Variants in HS6ST3 observed in about 807,000 individuals in gnomAD.
The protein encoded by HS6ST3 is heparan sulfate 6-O-sulfotransferase 3.
In HS6ST3, 12 loss-of-function variants were observed where a neutral mutation model predicts 36.7. The observed-to-expected ratio is 0.33, with a 90% confidence interval of 0.21 to 0.53. The LOEUF (loss-of-function observed/expected upper bound fraction) is 0.53. Ranked by LOEUF, HS6ST3 falls within the 20% of genes least tolerant of loss-of-function variation. The pLI is 0.95. For synonymous variants in HS6ST3, 240 were observed against 257.5 expected, an observed-to-expected ratio of 0.93 and a Z score of 0.65; for missense variants, 584 against 640.9, an observed-to-expected ratio of 0.91 and a Z score of 0.96.
At chr13:96,386,979 AGTGCGGTGGCATGAC>A (rs2055371679) in intron 1 of HS6ST3, among the ~76,000 whole-genome samples, 8 of 151,970 alleles carry the variant, frequency 5.3e-5, no homozygotes, top group African/African-American at 1.9e-4. Flanking sequence ...TCCAGGCTGG[AGTGCGGTGGCATGAC>A]CATGGCTCAC....
chr13:96,596,690 T>C (rs1253679037), intron 1 of HS6ST3, among the ~76,000 whole-genome samples: 2 of 152,150 alleles, frequency 1.3e-5, no homozygotes, highest in Admixed American at 6.5e-5. Flanking sequence ...GAACAGATGA[T>C]GGCAAGGTTG....
chr13:96,730,749 G>A (rs919316269), intron 1 of HS6ST3, among the ~76,000 whole-genome samples: 2 of 151,588 alleles, frequency 1.3e-5, no homozygotes, highest in Non-Finnish European at 2.9e-5. Flanking sequence ...TTAAATTTTT[G>A]TAGAGATGCG....
At chr13:96,468,675 A>C (rs950033673) in intron 1 of HS6ST3, among the ~76,000 whole-genome samples, 2 of 152,206 alleles carry the variant, frequency 1.3e-5, no homozygotes, top group African/African-American at 4.8e-5. Flanking sequence ...TTATCATCAT[A>C]AACAACAAGA....
intron 1 of HS6ST3, among the ~76,000 whole-genome samples, chr13:96,330,344 C>T (rs9516665): frequency 0.38 from 57,415 of 149,492 alleles, 11,047 homozygotes; most frequent in Non-Finnish European, 0.42. Flanking sequence ...CCATGTTTAG[C>T]GCTTCCTTCA....
intron 1 of HS6ST3, among the ~76,000 whole-genome samples, chr13:96,825,252 C>T (rs1878624423): frequency 6.6e-6 from 1 of 152,148 alleles, no homozygotes; most frequent in African/African-American, 2.4e-5. Flanking sequence ...ATAGGCAAGT[C>T]ATAGCCTCAT....
At position 96,631,811 on chromosome 13, in the gene HS6ST3, G is replaced by A. The variant is rs1008087060; in HGVS notation, c.708-200679G>A. On this transcript the variant is annotated intron_variant, in intron 1 of 1. Coordinates refer to ENST00000376705, the MANE Select transcript of HS6ST3 (RefSeq NM_153456.4). ...ATTCCTTAAACATTTTCAGTAACGAGAGGTCATCAGAATCAGTATTGTGAG... is the reference window on the plus strand; with the variant it reads ...ATTCCTTAAACATTTTCAGTAACGAAAGGTCATCAGAATCAGTATTGTGAG... Among the ~76,000 whole-genome samples, 3 of 152,178 alleles carry A rather than the reference G, an allele frequency of 2.0e-5. No individual in the cohort carries two copies. In the South Asian group the frequency reaches 6.2e-4, roughly 31 times the overall value.
At chr13:96,511,746 T>C (rs2056050727) in intron 1 of HS6ST3, among the ~76,000 whole-genome samples, 1 of 152,042 alleles carries the variant, frequency 6.6e-6, no homozygotes, top group African/African-American at 2.4e-5. Context: ...AATCCATCAG[T>C]GTTGGTTTGT....
At chr13:96,120,270 G>T (rs539007045) in intron 1 of HS6ST3, among the ~76,000 whole-genome samples, 27 of 152,314 alleles carry the variant, frequency 1.8e-4, no homozygotes, top group African/African-American at 3.8e-4. Context: ...CTGGTTTCTA[G>T]AACTGGTAGA....
intron 1 of HS6ST3, among the ~76,000 whole-genome samples, chr13:96,716,550 A>G (rs1233363180): frequency 6.6e-6 from 1 of 152,134 alleles, no homozygotes; most frequent in African/African-American, 2.4e-5. Flanking sequence ...AAAAATGCTC[A>G]CTGCAATATT....
At chr13:96,293,926 A>G (rs2054842241) in intron 1 of HS6ST3, among the ~76,000 whole-genome samples, 1 of 152,112 alleles carries the variant, frequency 6.6e-6, no homozygotes, top group African/African-American at 2.4e-5. Context: ...TTACCTTGGC[A>G]TTTTCAAGAG....
chr13:96,462,807 T>A (rs2055791533), intron 1 of HS6ST3, among the ~76,000 whole-genome samples: 1 of 152,210 alleles, frequency 6.6e-6, no homozygotes, highest in Admixed American at 6.5e-5. Flanking sequence ...TATGTTTGTA[T>A]CTATCTATCT....
chr13:96,754,998 A>AT (rs1003329443), intron 1 of HS6ST3, among the ~76,000 whole-genome samples: 1 of 151,032 alleles, frequency 6.6e-6, no homozygotes, highest in African/African-American at 2.4e-5. Flanking sequence ...TACTTTCTTA[A>AT]TTTTTTTTTA....
intron 1 of HS6ST3, among the ~76,000 whole-genome samples, chr13:96,203,181 A>T (rs930675616): frequency 6.6e-5 from 10 of 152,220 alleles, no homozygotes; most frequent in African/African-American, 2.4e-4. Flanking sequence ...AGCAGAATAC[A>T]ATAGACAGGG....
intron 1 of HS6ST3, among the ~76,000 whole-genome samples, chr13:96,275,252 T>C (rs1180437484): frequency 6.6e-6 from 1 of 152,188 alleles, no homozygotes; most frequent in Admixed American, 6.5e-5. Flanking sequence ...TTATTATCTT[T>C]ACCCCCTGCT....
At chr13:96,656,996 T>A (rs147733870) in intron 1 of HS6ST3, among the ~76,000 whole-genome samples, 3,555 of 123,448 alleles carry the variant, frequency 0.029, 61 homozygotes, top group African/African-American at 0.044. Context: ...TGTGTGTGTG[T>A]GTGAGAGAGA....
At chr13:96,807,473 C>G (rs1436262261) in intron 1 of HS6ST3, among the ~76,000 whole-genome samples, 1 of 152,066 alleles carries the variant, frequency 6.6e-6, no homozygotes, top group African/African-American at 2.4e-5. Flanking sequence ...CAGACAAGCA[C>G]ACAGGGAGAA....
At chr13:96,685,649 A>G (rs1238137859) in intron 1 of HS6ST3, among the ~76,000 whole-genome samples, 1 of 152,096 alleles carries the variant, frequency 6.6e-6, no homozygotes, top group Non-Finnish European at 1.5e-5. Flanking sequence ...CCCGTCGGAG[A>G]GCATACCTCT....
At chr13:96,154,702 T>C (rs998232055) in intron 1 of HS6ST3, among the ~76,000 whole-genome samples, 1 of 152,134 alleles carries the variant, frequency 6.6e-6, no homozygotes, top group African/African-American at 2.4e-5. Context: ...TTCTCTGTAA[T>C]AAGGGAAGTA....
intron 1 of HS6ST3, among the ~76,000 whole-genome samples, chr13:96,176,315 C>T (rs2054212441): frequency 6.6e-6 from 1 of 152,048 alleles, no homozygotes; most frequent in Non-Finnish European, 1.5e-5. Context: ...CTTATATAAA[C>T]AGTACCTAAG....
Sources: allele counts gnomAD v4.1 joint callset (sites outside exome capture counted in the v4.1 genomes callset), GRCh38; gene constraint gnomAD v4.1.1; transcripts MANE v1.5; gene names NCBI Gene and HGNC (gene_info 2026-07-23, HGNC 2026-07-21).